Variants in FARP1 observed in about 807,000 individuals in gnomAD.
FARP1 encodes FERM, ARH/RhoGEF and pleckstrin domain protein 1.
In FARP1, 52 loss-of-function variants were observed where a neutral mutation model predicts 128.8. The observed-to-expected ratio is 0.40, with a 90% CI of 0.32 to 0.51. The LOEUF (loss-of-function observed/expected upper bound fraction) is 0.51, where lower values mean the gene tolerates loss of function less well. Ranked by LOEUF, FARP1 falls within the 20% of genes least tolerant of loss-of-function variation. The pLI is 0.45. For missense variants in FARP1, 1,333 were observed against 1,367.9 expected, an observed-to-expected ratio of 0.97 and a Z score of 0.40; for synonymous variants, 580 against 551.8, an observed-to-expected ratio of 1.05 and a Z score of -0.72.
chr13:98,439,974 A>T lies in FARP1; in HGVS notation c.2447A>T (p.Glu816Val). 6.3e-7 allele frequency: 1 copy of T among 1,582,466 alleles called. No homozygotes were observed. The highest frequency in any genetic ancestry group is 1.1e-5 in the South Asian group (1 of 87,450). The change falls in exon 22 of 27, where the codon GAA (glutamate) becomes GTA (valine). Residue 816 changes from glutamate to valine, a missense_variant. By Grantham distance (121) the Glu-to-Val change is moderately radical (BLOSUM62 -2). Transcript: ENST00000319562. ...TCTTGCCCACAGATTGAGGAGAGCG[A>T]AGACGAGTGGGGGGTGCCCCACTGC... Reference protein sequence around the residue: ...PLYGMTIEESEDEWGVPHCLT... With the variant: ...PLYGMTIEESVDEWGVPHCLT...
chr13:98,290,495 C>G (rs547126862), intron 2 of FARP1, among the ~76,000 whole-genome samples: 2 of 151,992 alleles, frequency 1.3e-5, no homozygotes, highest in African/African-American at 4.8e-5. Flanking sequence ...CTTTAAGGAA[C>G]CGCAAGGTGT....
chr13:98,239,582 C>T (rs1180340962), intron 2 of FARP1, among the ~76,000 whole-genome samples: 6 of 152,022 alleles, frequency 3.9e-5, no homozygotes, highest in African/African-American at 1.4e-4. Flanking sequence ...ATGAGTGGGG[C>T]TGAGGTCCGG....
In FARP1 at chr13:98,368,109, T is replaced by C. The variant is rs45547431; in HGVS notation, c.320-8T>C. The C allele has an allele frequency of 0.016, 25,192 of 1,610,406 alleles. 277 individuals carry two copies. The highest frequency in any genetic ancestry group is 0.041 in the Middle Eastern group (249 of 6,050). On this transcript the variant is annotated splice_polypyrimidine_tract_variant and splice_region_variant and intron_variant, in intron 4 of 26. Transcript: ENST00000319562. Reference sequence around the variant, plus strand: ...AAATGCTTTACTTCTTTTTTTCTTCTTCTTTAGGGCCAAAGCACGTTGTTG... The same window carrying C: ...AAATGCTTTACTTCTTTTTTTCTTCCTCTTTAGGGCCAAAGCACGTTGTTG...
intron 1 of FARP1, among the ~76,000 whole-genome samples, chr13:98,163,172 C>T (rs1877004014): frequency 6.6e-6 from 1 of 152,120 alleles, no homozygotes; most frequent in South Asian, 2.1e-4. Context: ...TTTGCAGGAA[C>T]ATAGATGGAA....
chr13:98,385,405 TTCCAAAAAA>T (rs1890056637), intron 7 of FARP1, among the ~76,000 whole-genome samples: 1 of 143,572 alleles, frequency 7.0e-6, no homozygotes, highest in Non-Finnish European at 1.5e-5. Flanking sequence ...CTCTTTGAGA[TTCCAAAAAA>T]AACAAAAAAA....
chr13:98,217,898 G>C (rs558132318), intron 2 of FARP1, among the ~76,000 whole-genome samples: 1 of 152,280 alleles, frequency 6.6e-6, no homozygotes, highest in African/African-American at 2.4e-5. Context: ...TACGAGAGTT[G>C]GTGCTGTCCT....
Position 98,254,943 on chromosome 13 carries a change from C to CT in FARP1, c.171+41531dup, listed in dbSNP as rs1491230248. ...TACAAGATCCTTTTGTGGCATCTTC[C>CT]TCTTTTTTTTTTTAAAGGTTATTTT... On this transcript the variant is annotated intron_variant, in intron 2 of 26. Transcript: ENST00000319562. Among the ~76,000 whole-genome samples, 337 of 130,540 alleles carry CT rather than the reference C, an allele frequency of 2.6e-3. 2 individuals carry two copies. Among genetic ancestry groups the CT allele is most frequent in the Middle Eastern group, 0.012 (3 of 260 alleles). 85.6% of individuals were successfully genotyped at this position (130,540 alleles called of 152,430 possible).
intron 3 of FARP1, among the ~76,000 whole-genome samples, chr13:98,356,836 T>C (rs2139931867): frequency 6.6e-6 from 1 of 152,122 alleles, no homozygotes; most frequent in Non-Finnish European, 1.5e-5. Flanking sequence ...AGTTTCACCA[T>C]GTTGGCCAGG....
At position 98,368,425 on chromosome 13, in the gene FARP1, C is replaced by A. The variant is rs148768375; in HGVS notation, c.398+230C>A. Among the ~76,000 whole-genome samples, 192 of 152,342 alleles carry A rather than the reference C, an allele frequency of 1.3e-3. 2 individuals are homozygous for A. Among genetic ancestry groups the A allele is most frequent in the African/African-American group, 4.4e-3 (185 of 41,588 alleles). On this transcript the variant is annotated intron_variant, in intron 5 of 26. Transcript: ENST00000319562. ...TTGAAGGTTGTGATATGAAGTGAATCCTGGGCTTATACTCTGTTAATAGCA... is the reference window on the plus strand; with the variant it reads ...TTGAAGGTTGTGATATGAAGTGAATACTGGGCTTATACTCTGTTAATAGCA...
At chr13:98,305,311 C>T (rs1481445108) in intron 2 of FARP1, among the ~76,000 whole-genome samples, 2 of 149,366 alleles carry the variant, frequency 1.3e-5, no homozygotes, top group African/African-American at 2.5e-5. Flanking sequence ...AATGCCATGA[C>T]GTATCTCTGA....
chr13:98,390,659 T>C, intron 10 of FARP1, 153 bp from the exon 11 acceptor site: 2 of 594,896 alleles, frequency 3.4e-6, no homozygotes, highest in Non-Finnish European at 6.1e-6. Flanking sequence ...ATACAGAGTC[T>C]GTCAGGATTG....
At chr13:98,445,782 T>A in intron 24 of FARP1, 1 of 230,268 alleles carries the variant, frequency 4.3e-6, no homozygotes, top group African/African-American at 2.3e-5. Flanking sequence ...TGATCTCGTC[T>A]TCACTAGTTA....
intron 1 of FARP1, among the ~76,000 whole-genome samples, chr13:98,161,144 T>G (rs537429107): frequency 3.9e-4 from 59 of 152,242 alleles, no homozygotes; most frequent in African/African-American, 1.4e-3. Flanking sequence ...ACGCTCTATT[T>G]TTTTCAAATT....
chr13:98,195,026 G>A (rs1003048579), intron 1 of FARP1, among the ~76,000 whole-genome samples: 12 of 152,216 alleles, frequency 7.9e-5, no homozygotes, highest in Non-Finnish European at 1.8e-4. Flanking sequence ...ACGCCATAGG[G>A]TCGTTGTGTA....
intron 2 of FARP1, among the ~76,000 whole-genome samples, chr13:98,335,992 T>C (rs927157509): frequency 3.9e-5 from 6 of 152,130 alleles, no homozygotes; most frequent in African/African-American, 1.4e-4. Flanking sequence ...GGTGCAAACC[T>C]TGTAAACCTG....
chr13:98,323,789 G>A (rs574582752), intron 2 of FARP1, among the ~76,000 whole-genome samples: 1 of 152,192 alleles, frequency 6.6e-6, no homozygotes, highest in African/African-American at 2.4e-5. Flanking sequence ...CATACTATTT[G>A]CAGTTAACTT....
chr13:98,388,550 C>T (rs1300619948), intron 9 of FARP1, 72 bp downstream of exon 9: 1 of 1,194,112 alleles, frequency 8.4e-7, no homozygotes, highest in Non-Finnish European at 1.2e-6. Context: ...GGGTGGAGGT[C>T]TGCTTGGCAG....
At chr13:98,383,991 T>C (rs1232614856) in intron 6 of FARP1, 1 of 152,226 alleles carries the variant, frequency 6.6e-6, no homozygotes, top group Non-Finnish European at 1.5e-5. Context: ...GCATTTGCGT[T>C]TTGCACTAGT....
chr13:98,444,073 C>T (rs1232154499), intron 24 of FARP1, among the ~76,000 whole-genome samples: 1 of 151,894 alleles, frequency 6.6e-6, no homozygotes, highest in African/African-American at 2.4e-5. Context: ...AAAATGTCCC[C>T]ACCTGACAGC....
Sources: gnomAD v4.1 joint callset for allele counts (sites outside exome capture counted in the v4.1 genomes callset) on GRCh38, gnomAD v4.1.1 for gene constraint, MANE v1.5 for transcripts, NCBI Gene and HGNC (gene_info 2026-07-23, HGNC 2026-07-21) for gene names.